GCSAML: variants seen among roughly 807,000 people sequenced by gnomAD.
The protein encoded by GCSAML is germinal center-associated signaling and motility-like protein.
GCSAML carries 9 observed loss-of-function variants against 13.0 expected under a neutral mutation model. The ratio of observed to expected loss-of-function variants is 0.69; its 90% CI spans 0.42 to 1.21. The LOEUF is 1.21. GCSAML is among the 50% of genes most tolerant of loss of function. GCSAML has a pLI of 0.00. For missense variants in GCSAML, 143 were observed against 153.4 expected (o/e 0.93, Z 0.36); for synonymous variants, 37 against 52.9 (o/e 0.70, Z 1.31).
upstream of GCSAML, chr1:247,548,948 G>T: frequency 1.1e-6 from 1 of 872,554 alleles, no homozygotes; most frequent in East Asian, 2.9e-5. The surrounding 1 kb of genome is among the most constrained non-coding windows in gnomAD (Gnocchi z 5.3). Flanking sequence ...GTGTGTGTAT[G>T]AGTGTGTGTG....
chr1:247,562,609 T>C (rs1668172322), intron 2 of GCSAML, among the ~76,000 whole-genome samples: 1 of 152,220 alleles, frequency 6.6e-6, no homozygotes, highest in Non-Finnish European at 1.5e-5. Context: ...CACATCTCTC[T>C]ACTGTGTACC....
chr1:247,551,292 T>G (rs1667769931), intron 1 of GCSAML, among the ~76,000 whole-genome samples: 1 of 152,170 alleles, frequency 6.6e-6, no homozygotes, highest in African/African-American at 2.4e-5. Flanking sequence ...GAAAAGATGG[T>G]CCAAGCTGAA....
chr1:247,532,444 G>A (rs971757347), intron 2 of GCSAML: 2 of 1,613,826 alleles, frequency 1.2e-6, no homozygotes, highest in Non-Finnish European at 1.7e-6. Context: ...AGTTTCTAGT[G>A]AGGGTCGTGT....
intron 4 of GCSAML, among the ~76,000 whole-genome samples, chr1:247,573,539 A>G (rs12723788): frequency 0.19 from 28,727 of 152,012 alleles, 2,934 homozygotes; most frequent in Middle Eastern, 0.23. Context: ...ACCAGTCCCA[A>G]TGAGATGAAC....
At chr1:247,509,822 T>C (rs1665966538) in intron 1 of GCSAML, among the ~76,000 whole-genome samples, 1 of 152,248 alleles carries the variant, frequency 6.6e-6, no homozygotes, top group Admixed American at 6.5e-5. Context: ...TTGTGTATGT[T>C]GAACCAGCCT....
At chr1:247,561,673 CAT>C (rs1025515632) in intron 2 of GCSAML, among the ~76,000 whole-genome samples, 25 of 152,066 alleles carry the variant, frequency 1.6e-4, no homozygotes, top group African/African-American at 2.9e-4. Context: ...CAATAATAAA[CAT>C]GTTATTTTTC....
chr1:247,562,660 C>CT (rs1487248062), intron 2 of GCSAML, among the ~76,000 whole-genome samples: 3 of 152,008 alleles, frequency 2.0e-5, no homozygotes, highest in Non-Finnish European at 2.9e-5. Flanking sequence ...AAGTTATATC[C>CT]TTTTTTCATA....
intron 2 of GCSAML, among the ~76,000 whole-genome samples, chr1:247,534,966 A>G (rs897396460): frequency 2.0e-5 from 3 of 152,250 alleles, no homozygotes; most frequent in Admixed American, 6.5e-5. Context: ...CCAGGGAAGC[A>G]TTAATACTAT....
At chr1:247,513,147 G>A (rs537475248) in intron 1 of GCSAML, among the ~76,000 whole-genome samples, 3 of 152,292 alleles carry the variant, frequency 2.0e-5, no homozygotes, top group East Asian at 3.9e-4. Context: ...CCAGGGAGAA[G>A]GGAGTTTTAT....
At chr1:247,538,083 A>G (rs1219278400) in intron 2 of GCSAML, among the ~76,000 whole-genome samples, 1 of 152,168 alleles carries the variant, frequency 6.6e-6, no homozygotes, top group Non-Finnish European at 1.5e-5. Flanking sequence ...GGTCATGAAA[A>G]TGTACTTCTA....
chr1:247,559,876 G>A lies in GCSAML; in HGVS notation c.89+3410G>A, dbSNP rs543848690. Among the ~76,000 whole-genome samples the A allele has an allele frequency of 2.4e-4, 37 of 152,212 alleles. No homozygotes were observed. In the South Asian group the frequency reaches 7.5e-3, roughly 31 times the overall value. ...AAAGACACCAGTCATACTGAAATAA[G>A]GCCCAATCTTATGACCTTGTTTTAA... is the stretch of plus-strand genomic sequence containing the variant. On this transcript the variant is annotated intron_variant, in intron 2 of 4. Transcript: ENST00000366488.
chr1:247,538,774 C>T, intron 2 of GCSAML: 1 of 456,492 alleles, frequency 2.2e-6, no homozygotes, highest in Non-Finnish European at 4.4e-6. Context: ...TGATCTTGGA[C>T]TTCCAGTCTC....
At chr1:247,530,048 T>C (rs1238050087) in intron 2 of GCSAML, 2 of 152,080 alleles carry the variant, frequency 1.3e-5, no homozygotes, top group Non-Finnish European at 2.9e-5. Context: ...GGTGTGTGTG[T>C]GTGTGTGTAT....
At chr1:247,507,388 T>C (rs941131177) in intron 1 of GCSAML, among the ~76,000 whole-genome samples, 2 of 152,224 alleles carry the variant, frequency 1.3e-5, no homozygotes, top group African/African-American at 2.4e-5. Flanking sequence ...AGAAATGTAA[T>C]GTTATGAGGA....
chr1:247,574,783 GAC>G lies in GCSAML; in HGVS notation c.*406_*407del, dbSNP rs981380633. On this transcript the variant is annotated 3_prime_UTR_variant, in exon 5 of 5. Transcript: ENST00000366488. ...CTGGCCATGATAGGAAGGGAGGTGA[GAC>G]ACACCTTGTTATACCCCTTCCCTTT... 9.5e-6 allele frequency: 2 copies of G among 211,488 alleles called. No individual in the cohort carries two copies. Among genetic ancestry groups the G allele is most frequent in the Non-Finnish European group, 1.9e-5 (2 of 104,506 alleles). The allele number at this position is 211,488 out of a possible 1,614,324, so 13.1% of individuals were successfully genotyped here. A position where few individuals can be genotyped will look rare whatever the true frequency, so the allele number is the denominator to read the frequency against.
At chr1:247,541,308 G>T (rs1667403677) in intron 2 of GCSAML, among the ~76,000 whole-genome samples, 1 of 152,148 alleles carries the variant, frequency 6.6e-6, no homozygotes, top group Admixed American at 6.6e-5. Flanking sequence ...CAGAACTCAA[G>T]TTTCCATGGT....
chr1:247,534,170 A>G (rs185297016), intron 2 of GCSAML, among the ~76,000 whole-genome samples: 151 of 152,352 alleles, frequency 9.9e-4, no homozygotes, highest in Non-Finnish European at 1.4e-3. Context: ...TATAACAAAT[A>G]AACTACTCTT....
chr1:247,510,067 A>G (rs1252366889), intron 1 of GCSAML, among the ~76,000 whole-genome samples: 1 of 152,196 alleles, frequency 6.6e-6, no homozygotes, highest in African/African-American at 2.4e-5. Context: ...GAATAGTTTC[A>G]GAAGGAATGG....
intron 4 of GCSAML, among the ~76,000 whole-genome samples, chr1:247,572,195 C>A (rs1353763434): frequency 6.6e-6 from 1 of 152,094 alleles, no homozygotes; most frequent in South Asian, 2.1e-4. Context: ...CTGAAGCCCA[C>A]CTCTGTCAAT....
Sources: gnomAD v4.1 joint callset for allele counts (sites outside exome capture counted in the v4.1 genomes callset) on GRCh38, gnomAD v4.1.1 for gene constraint, Gnocchi (gnomAD v3.1) non-coding constraint, MANE v1.5 for transcripts, NCBI Gene and HGNC (gene_info 2026-07-23, HGNC 2026-07-21) for gene names.